CAST: variants seen among roughly 807,000 people sequenced by gnomAD.
CAST encodes calpastatin.
Under a neutral mutation model 119.6 loss-of-function variants are expected in CAST, and 76 were observed. That is an observed-to-expected ratio of 0.64 (90% confidence interval 0.53 to 0.77). CAST has a LOEUF of 0.77. Ranked by LOEUF, CAST falls within the 30% of genes least tolerant of loss-of-function variation. The probability of loss-of-function intolerance (pLI) is 0.00; values close to 1 mark genes in which losing one functional copy is unlikely to be tolerated. For missense variants in CAST, 953 were observed against 946.5 expected (o/e 1.01, Z -0.09); for synonymous variants, 319 against 331.6 (o/e 0.96, Z 0.41).
chr5:96,289,818 T>A, the CAST span, among the ~76,000 whole-genome samples: 1 of 152,132 alleles, frequency 6.6e-6, no homozygotes, highest in African/African-American at 2.4e-5. Flanking sequence ...GACAAATAAA[T>A]GAGGTGAAAA....
chr5:96,315,809 C>A, the CAST span, among the ~76,000 whole-genome samples: 1 of 152,120 alleles, frequency 6.6e-6, no homozygotes. Context: ...TTTTTGAGAT[C>A]TCTGAGCCTC....
At chr5:96,352,200 T>G in the CAST span, among the ~76,000 whole-genome samples, 1 of 152,186 alleles carries the variant, frequency 6.6e-6, no homozygotes, top group Non-Finnish European at 1.5e-5. Context: ...AGAAAGAATT[T>G]GTTTTGTGTC....
rs200956654 is a variant in CAST at position 96,540,997 on chromosome 5, CT to C, written c.60+11122del. On this transcript the variant is annotated intron_variant, in intron 1 of 11. Coordinates refer to the CAST transcript ENST00000505143. ...CAGGTTTGTCCACTATGAGGTTACCCTTTTTCCCCCTTTCCCATGTGCTCTT... is the reference window on the plus strand; with the variant it reads ...CAGGTTTGTCCACTATGAGGTTACCCTTTTCCCCCTTTCCCATGTGCTCTT... Among the ~76,000 whole-genome samples the C allele has an allele frequency of 7.2e-3, 1,095 of 152,130 alleles. 25 individuals are homozygous for C. Among genetic ancestry groups the C allele is most frequent in the African/African-American group, 0.025 (1,022 of 41,452 alleles).
At chr5:96,729,792 C>T (rs1326885988) in intron 8 of CAST, 67 bp downstream of exon 8, 10 of 755,970 alleles carry the variant, frequency 1.3e-5, no homozygotes, top group Non-Finnish European at 2.4e-5. Context: ...TTCCCCTGTT[C>T]ACACTGAGGT....
the CAST span, among the ~76,000 whole-genome samples, chr5:96,330,016 AT>A: frequency 6.6e-6 from 1 of 152,162 alleles, no homozygotes; most frequent in Non-Finnish European, 1.5e-5. Flanking sequence ...GGCCAACTTG[AT>A]TTCACAGTGA....
the CAST span, among the ~76,000 whole-genome samples, chr5:95,978,695 C>G: frequency 1.3e-5 from 2 of 152,060 alleles, no homozygotes; most frequent in African/African-American, 4.8e-5. Flanking sequence ...ATTGGATAAG[C>G]AATTTTTCAA....
chr5:96,664,315 A>G (rs1304748218), intron 1 of CAST, among the ~76,000 whole-genome samples: 3 of 150,836 alleles, frequency 2.0e-5, no homozygotes, highest in Non-Finnish European at 4.4e-5. Flanking sequence ...ATATATATTT[A>G]CACATATATG....
chr5:96,691,148 A>G (rs145039712), intron 2 of CAST, among the ~76,000 whole-genome samples: 80 of 152,340 alleles, frequency 5.3e-4, no homozygotes, highest in African/African-American at 1.9e-3. Context: ...ATCATGTGCC[A>G]TACATCAAGT....
At chr5:96,690,469 A>G (rs1318357862) in intron 2 of CAST, among the ~76,000 whole-genome samples, 1 of 152,136 alleles carries the variant, frequency 6.6e-6, no homozygotes, top group Non-Finnish European at 1.5e-5. Flanking sequence ...ACCTCAGGTG[A>G]TCCGCCTGCC....
At chr5:96,742,331 A>G (rs1762855164) in intron 15 of CAST, 2 of 196,952 alleles carry the variant, frequency 1.0e-5, no homozygotes, top group South Asian at 2.5e-4. Flanking sequence ...ACAGTTTACT[A>G]CTTGCTTCTT....
intron 1 of CAST, among the ~76,000 whole-genome samples, chr5:96,562,187 G>GCA (rs3064111): frequency 0.3 from 44,536 of 149,518 alleles, 7,389 homozygotes; most frequent in Middle Eastern, 0.43. Flanking sequence ...AACTTTTCAT[G>GCA]CACACACACA....
At chr5:96,411,823 G>C in the CAST span, among the ~76,000 whole-genome samples, 1 of 152,106 alleles carries the variant, frequency 6.6e-6, no homozygotes, top group Non-Finnish European at 1.5e-5. Context: ...TTTATATTTA[G>C]TTTTGAGGCA....
At chr5:96,661,739 T>C (rs1748520275), upstream of CAST, among the ~76,000 whole-genome samples, 1 of 152,246 alleles carries the variant, frequency 6.6e-6, no homozygotes, top group African/African-American at 2.4e-5. Context: ...GGTTTAAATT[T>C]GGGACTGTTC....
chr5:96,089,154 G>T, the CAST span, among the ~76,000 whole-genome samples: 1 of 147,312 alleles, frequency 6.8e-6, no homozygotes, highest in African/African-American at 2.5e-5. Context: ...GGAAGTATAT[G>T]ACTTTTAAAG....
the CAST span, among the ~76,000 whole-genome samples, chr5:96,384,506 C>T: frequency 6.6e-6 from 1 of 152,174 alleles, no homozygotes; most frequent in South Asian, 2.1e-4. Flanking sequence ...GTCTTCCCTG[C>T]CCTTGTATCC....
At chr5:96,520,326 G>A (rs976329182), upstream of CAST, among the ~76,000 whole-genome samples, 1 of 152,256 alleles carries the variant, frequency 6.6e-6, no homozygotes, top group Non-Finnish European at 1.5e-5. Context: ...AATGGAGAAT[G>A]TGCTCTGTCT....
intron 1 of CAST, among the ~76,000 whole-genome samples, chr5:96,642,948 T>C (rs969750007): frequency 2.0e-5 from 3 of 152,184 alleles, no homozygotes; most frequent in African/African-American, 7.2e-5. Context: ...GTAGGAACCA[T>C]TATTTTCCCA....
chr5:96,525,868 T>A (rs771815336), upstream of CAST, among the ~76,000 whole-genome samples: 26 of 152,232 alleles, frequency 1.7e-4, no homozygotes, highest in Non-Finnish European at 3.4e-4. Flanking sequence ...ATTGTCAACA[T>A]GAGGCTGGAG....
the CAST span, among the ~76,000 whole-genome samples, chr5:96,059,807 A>G: frequency 6.6e-6 from 1 of 152,132 alleles, no homozygotes; most frequent in Admixed American, 6.6e-5. Context: ...TAAGGAGGCC[A>G]AGTGGAAGCC....
Sources: gnomAD v4.1 joint callset for allele counts (sites outside exome capture counted in the v4.1 genomes callset) on GRCh38, gnomAD v4.1.1 for gene constraint, MANE v1.5 for transcripts, NCBI Gene and HGNC (gene_info 2026-07-23, HGNC 2026-07-21) for gene names.